ETNK2: variants seen among roughly 807,000 people sequenced by gnomAD.
ETNK2 encodes the protein ethanolamine kinase-like protein.
ETNK2 carries 33 observed loss-of-function variants against 46.2 expected under a neutral mutation model. That is an observed-to-expected ratio of 0.71 (90% CI 0.54 to 0.96). The LOEUF is 0.96. Among genes scored for constraint, ETNK2 ranks in the 40% least tolerant of loss-of-function variants. The probability of loss-of-function intolerance (pLI) is 0.00; values close to 1 mark genes in which losing one functional copy is unlikely to be tolerated. For missense variants in ETNK2, 445 were observed against 509.7 expected (o/e 0.87, Z 1.22); for synonymous variants, 194 against 209.0 (o/e 0.93, Z 0.62).
rs1407225015 is a variant in ETNK2, at chr1:204,146,756, G to A, written c.527C>T (p.Ala176Val). ...IREPRLFRLI[A>V]LEMAKIHTIH... The stretch of plus-strand genomic sequence containing the variant: ...AGTATGAATCTTTGCCATTTCTAAG[G>A]CGATTAACCTACAGCAGGGAACAGG... Residue 176 changes from alanine (A) to valine (V), a missense_variant, in exon 3 of 8, where the codon GCC (alanine) becomes GTC (valine). Transcript: ENST00000367202. 4 of 1,613,912 alleles carry A rather than the reference G, an allele frequency of 2.5e-6. No individual in the cohort carries two copies. In the South Asian group the frequency reaches 4.4e-5, roughly 18 times the overall value.
intron 6 of ETNK2, among the ~76,000 whole-genome samples, chr1:204,135,872 A>G (rs1657261565): frequency 6.6e-6 from 1 of 152,206 alleles, no homozygotes; most frequent in Admixed American, 6.5e-5. Flanking sequence ...TACTTCTGCA[A>G]GCCAACATTA....
intron 7 of ETNK2, among the ~76,000 whole-genome samples, chr1:204,133,028 A>G (rs1263951187): frequency 6.6e-6 from 1 of 152,080 alleles, no homozygotes; most frequent in Non-Finnish European, 1.5e-5. Flanking sequence ...TCTTTTTGTG[A>G]CTGGCTTATT....
At position 204,146,775 on chromosome 1, in the gene ETNK2, G is replaced by C; in HGVS notation, c.519-11C>G. On this transcript the variant is annotated splice_polypyrimidine_tract_variant and intron_variant, in intron 2 of 7. Coordinates refer to ENST00000367202, the MANE Select transcript of ETNK2 (RefSeq NM_018208.4). ...TCTAAGGCGATTAACCTACAGCAGG[G>C]AACAGGAAGAGTAGAGCATCAGTGC... 1 of 1,613,912 alleles carries C rather than the reference G, an allele frequency of 6.2e-7. No homozygotes were observed. Among genetic ancestry groups the C allele is most frequent in the African/African-American group, 1.3e-5 (1 of 75,064 alleles).
At chr1:204,133,882 C>T (rs1657177231) in intron 7 of ETNK2, among the ~76,000 whole-genome samples, 2 of 152,196 alleles carry the variant, frequency 1.3e-5, no homozygotes, top group Non-Finnish European at 2.9e-5. Flanking sequence ...ACTTTGAAAC[C>T]AGGGTAGTGA....
At chr1:204,134,731 T>C in intron 6 of ETNK2, 143 bp from the exon 7 acceptor site, 1 of 1,569,598 alleles carries the variant, frequency 6.4e-7, no homozygotes, top group Non-Finnish European at 8.6e-7. Flanking sequence ...TAGCACAAGC[T>C]GGGGAAATTC....
Position 204,151,564 on chromosome 1 carries a change from C to A in ETNK2, c.258+31G>T. On this transcript the variant is annotated intron_variant, in intron 1 of 7. Transcript: ENST00000367202. The surrounding 1 kb of genome is among the most constrained non-coding windows in gnomAD (Gnocchi z 8.0). The stretch of plus-strand genomic sequence containing the variant: ...ATCCCCCTGGCAGCCCTGGCAGGAC[C>A]CCATCCTCGGCCCCGCGCCCACTCC... 1.3e-6 allele frequency: 2 copies of A among 1,548,226 alleles called. No homozygotes were observed. The highest frequency in any genetic ancestry group is 1.7e-6 in the Non-Finnish European group (2 of 1,145,962).
intron 3 of ETNK2, among the ~76,000 whole-genome samples, chr1:204,144,344 T>TCAAAAAAAAAA (rs1657687702): frequency 2.0e-4 from 2 of 10,126 alleles, no homozygotes; most frequent in Non-Finnish European, 3.3e-4. Flanking sequence ...AGAATCCATC[T>TCAAAAAAAAAA]CAAAAAAAAA....
intron 3 of ETNK2, among the ~76,000 whole-genome samples, chr1:204,144,345 C>CAAAAAAAAAAAAAAAAAAAAAAAAAAAA (rs141761706): frequency 9.0e-5 from 3 of 33,342 alleles, no homozygotes; most frequent in Non-Finnish European, 1.0e-4. Context: ...GAATCCATCT[C>CAAAAAAAAAAAAAAAAAAAAAAAAAAAA]AAAAAAAAAA....
At position 204,151,487 on chromosome 1, in the gene ETNK2, C is replaced by A; in HGVS notation, c.258+108G>T. The A allele has an allele frequency of 6.9e-7, 1 of 1,444,922 alleles. No homozygotes were observed. The highest frequency in any genetic ancestry group is 1.3e-5 in the South Asian group (1 of 77,578). The allele number at this position is 1,444,922 out of a possible 1,614,324, so 89.5% of individuals were successfully genotyped here. ...GTTCCAAACCTTTCTTGCGCAGCAG[C>A]CGCGCACCCCTGGGACTGACACCCG... On this transcript the variant is annotated intron_variant, in intron 1 of 7. Transcript: ENST00000367202. This position sits in a 1 kb window ranked among gnomAD's most constrained non-coding sequence, Gnocchi z 8.0.
intron 5 of ETNK2, 61 bp from the exon 6 acceptor site, chr1:204,137,310 A>T: frequency 6.3e-7 from 1 of 1,577,292 alleles, no homozygotes. Context: ...GGTCTCCTCA[A>T]GCTCAGTAGG....
At chr1:204,134,653 C>T in intron 6 of ETNK2, 65 bp from the exon 7 acceptor site, 1 of 1,613,962 alleles carries the variant, frequency 6.2e-7, no homozygotes, top group Non-Finnish European at 8.5e-7. Flanking sequence ...CTCTACAGCA[C>T]TGGAGGGATG....
intron 3 of ETNK2, among the ~76,000 whole-genome samples, chr1:204,144,986 G>A (rs999694072): frequency 2.0e-5 from 3 of 152,214 alleles, no homozygotes; most frequent in African/African-American, 7.2e-5. Flanking sequence ...CAGGGCCAGT[G>A]TCACATTCAT....
In ETNK2 at chr1:204,132,050, C is replaced by T. The variant is rs1012571119; in HGVS notation, c.*134G>A. ...AACCACTGGGGTCTGGCGGCAGGGACAGAGCCTTCTCCCTGGACACCCATG... is the reference window on the plus strand; with the variant it reads ...AACCACTGGGGTCTGGCGGCAGGGATAGAGCCTTCTCCCTGGACACCCATG... On this transcript the variant is annotated 3_prime_UTR_variant, in exon 8 of 8. Transcript: ENST00000367202. The T allele has an allele frequency of 1.3e-6, 1 of 743,470 alleles. No homozygotes were observed. The highest frequency in any genetic ancestry group is 1.7e-5 in the African/African-American group (1 of 57,752). The allele number at this position is 743,470 out of a possible 1,614,324, so 46.1% of individuals were successfully genotyped here. A position where few individuals can be genotyped will look rare whatever the true frequency, so the allele number is the denominator to read the frequency against.
At chr1:204,141,507 G>A in intron 3 of ETNK2, 50 bp from the exon 4 acceptor site, 1 of 1,543,456 alleles carries the variant, frequency 6.5e-7, no homozygotes, top group Non-Finnish European at 8.8e-7. Context: ...TGATAGACAG[G>A]TGCTTGGCCT....
Position 204,151,524 on chromosome 1 carries a change from G to C in ETNK2, c.258+71C>G. 1 of 1,536,660 alleles carries C rather than the reference G, an allele frequency of 6.5e-7. No individual in the cohort carries two copies. Among genetic ancestry groups the C allele is most frequent in the Non-Finnish European group, 8.8e-7 (1 of 1,141,080 alleles). On this transcript the variant is annotated intron_variant, in intron 1 of 7. Coordinates refer to ENST00000367202, the MANE Select transcript of ETNK2 (RefSeq NM_018208.4). This position sits in a 1 kb window ranked among gnomAD's most constrained non-coding sequence, Gnocchi z 8.0. ...GGGACTGACACCCGGAAGGATGCGA[G>C]GACTGGGTCCCCGCATCCCCCTGGC...
chr1:204,144,827 T>A (rs1409313507), intron 3 of ETNK2, among the ~76,000 whole-genome samples: 2 of 152,000 alleles, frequency 1.3e-5, no homozygotes, highest in Non-Finnish European at 2.9e-5. Context: ...TGGAGTAGCC[T>A]CCCTGCTTAT....
In ETNK2 at chr1:204,141,631, C is replaced by T. The variant is rs891736324; in HGVS notation, c.642-174G>A. On this transcript the variant is annotated intron_variant, in intron 3 of 7. Transcript: ENST00000367202. ...TATCATCTGTAAAATGGCACTGAGG[C>T]GTCCTGTCCTTCTGACTCCTCTGGT... 2.0e-4 allele frequency: 134 copies of T among 663,220 alleles called. 2 individuals carry two copies. The Middle Eastern group carries it at 4.2e-3, about 21-fold the overall frequency. 41.1% of individuals were successfully genotyped at this position (663,220 alleles called of 1,614,324 possible).
At chr1:204,139,429 A>G (rs1027717444) in intron 5 of ETNK2, among the ~76,000 whole-genome samples, 1 of 152,206 alleles carries the variant, frequency 6.6e-6, no homozygotes, top group African/African-American at 2.4e-5. Flanking sequence ...CTGAGTTACC[A>G]AAGTGCCATA....
rs188773529 is a variant in ETNK2 at position 204,149,516 on chromosome 1, C to T, written c.518+187G>A. 5.1e-3 allele frequency among the ~76,000 whole-genome samples: 777 copies of T among 152,338 alleles called. 5 individuals are homozygous for T. The highest frequency in any genetic ancestry group is 9.1e-3 in the Admixed American group (140 of 15,308). On this transcript the variant is annotated intron_variant, in intron 2 of 7. Coordinates refer to ENST00000367202, the MANE Select transcript of ETNK2 (RefSeq NM_018208.4). ...ATTCTTCCTTTCCTCCCCCAGAACT[C>T]ACCCTTAAAATCTACAGAAAGCGAT... is the stretch of plus-strand genomic sequence containing the variant.
Sources: gnomAD v4.1 joint callset for allele counts (sites outside exome capture counted in the v4.1 genomes callset) on GRCh38, gnomAD v4.1.1 for gene constraint, Gnocchi (gnomAD v3.1) non-coding constraint, MANE v1.5 for transcripts, NCBI Gene and HGNC (gene_info 2026-07-23, HGNC 2026-07-21) for gene names.